The following ZNF398 variants were observed in gnomAD, a reference collection of about 807,000 sequenced individuals.
ZNF398 encodes the protein zinc finger DNA binding protein ZER6.
Under a neutral mutation model 41.9 loss-of-function variants are expected in ZNF398, and 18 were observed. The observed-to-expected ratio is 0.43, with a 90% CI of 0.30 to 0.64. ZNF398 has a LOEUF of 0.64. Among genes scored for constraint, ZNF398 ranks in the 30% least tolerant of loss-of-function variants. ZNF398 has a pLI of 0.14. For missense variants in ZNF398, 669 were observed against 822.8 expected (o/e 0.81, Z 2.29); for synonymous variants, 260 against 308.8 (o/e 0.84, Z 1.66).
intron 2 of ZNF398, among the ~76,000 whole-genome samples, chr7:149,135,626 G>A (rs756355287): frequency 8.1e-5 from 12 of 148,022 alleles, no homozygotes; most frequent in Non-Finnish European, 1.3e-4. Context: ...TATCCATGTC[G>A]CTAAACACTA....
chr7:149,137,690 T>G (rs562360375), intron 2 of ZNF398, among the ~76,000 whole-genome samples: 4 of 152,164 alleles, frequency 2.6e-5, no homozygotes, highest in Non-Finnish European at 5.9e-5. Flanking sequence ...TGTAGATACT[T>G]TTTATCATGT....
At chr7:149,152,984 C>T (rs923858374) in intron 1 of ZNF398, among the ~76,000 whole-genome samples, 1 of 151,738 alleles carries the variant, frequency 6.6e-6, no homozygotes, top group Non-Finnish European at 1.5e-5. Context: ...TCTCAGCCTC[C>T]CGAGTAGCTG....
intron 4 of ZNF398, among the ~76,000 whole-genome samples, chr7:149,167,634 C>CTTTTTT (rs1163487497): frequency 9.0e-4 from 120 of 133,920 alleles, no homozygotes; most frequent in Non-Finnish European, 1.4e-3. Context: ...TTTTTCTTTT[C>CTTTTTT]TTTTTTTTTT....
At position 149,180,441 on chromosome 7, in the gene ZNF398, C is replaced by T. The variant is rs1479177821; in HGVS notation, c.*640C>T. On this transcript the variant is annotated 3_prime_UTR_variant, in exon 6 of 6. Coordinates refer to ENST00000475153, the MANE Select transcript of ZNF398 (RefSeq NM_170686.3). ...TAAATTTTGTTTAATATTGGTTGAA[C>T]AAGAAATCTGACTTTAAAAGATTAT... 2 of 152,136 alleles carry T rather than the reference C, an allele frequency of 1.3e-5. No homozygotes were observed. The highest frequency in any genetic ancestry group is 2.4e-5 in the African/African-American group (1 of 41,430). The allele number at this position is 152,136 out of a possible 1,614,324, so 9.4% of individuals were successfully genotyped here.
rs562156595 is a variant in ZNF398 at position 149,181,917 on chromosome 7, C to A, written c.*2116C>A. 3.3e-5 allele frequency: 5 copies of A among 152,110 alleles called. No individual in the cohort carries two copies. Among genetic ancestry groups the A allele is most frequent in the Non-Finnish European group, 5.9e-5 (4 of 68,024 alleles). The allele number at this position is 152,110 out of a possible 1,614,324, so 9.4% of individuals were successfully genotyped here. A position where few individuals can be genotyped will look rare whatever the true frequency, so the allele number is the denominator to read the frequency against. On this transcript the variant is annotated 3_prime_UTR_variant, in exon 6 of 6. Transcript: ENST00000475153. ...ATGTGAGATTCAGCTCTAGTTTGCA[C>A]CTTGATTTCCCCAGTGAAAAGGGAG...
At chr7:149,141,656 G>A (rs963658334) in intron 2 of ZNF398, among the ~76,000 whole-genome samples, 6 of 151,814 alleles carry the variant, frequency 4.0e-5, no homozygotes, top group South Asian at 2.1e-4. Flanking sequence ...GGGTTTCACC[G>A]TGTTAGCCAG....
Position 149,147,612 on chromosome 7 carries a change from C to A in ZNF398, c.-131C>A, listed in dbSNP as rs1390754429. 4.8e-6 allele frequency: 5 copies of A among 1,039,664 alleles called. No individual in the cohort carries two copies. The East Asian group carries it at 1.9e-4, about 39-fold the overall frequency. 64.4% of individuals were successfully genotyped at this position (1,039,664 alleles called of 1,614,324 possible). Reference sequence around the variant, plus strand: ...GACGGCCGCGTGAGTCCCGTCCGTGCGGGGAAGGCAGGGCCGGGTCGGCGC... The same window carrying A: ...GACGGCCGCGTGAGTCCCGTCCGTGAGGGGAAGGCAGGGCCGGGTCGGCGC... On this transcript the variant is annotated 5_prime_UTR_variant, in exon 1 of 6. Coordinates refer to ENST00000475153, the MANE Select transcript of ZNF398 (RefSeq NM_170686.3). This position sits in a 1 kb window ranked among gnomAD's most constrained non-coding sequence, Gnocchi z 5.6.
intron 2 of ZNF398, among the ~76,000 whole-genome samples, chr7:149,141,302 T>C (rs997847015): frequency 6.7e-6 from 1 of 149,740 alleles, no homozygotes; most frequent in Non-Finnish European, 1.5e-5. Flanking sequence ...CAGACTTTTT[T>C]TTTTTTTTTT....
chr7:149,171,138 G>A (rs1217865429), intron 4 of ZNF398, among the ~76,000 whole-genome samples: 5 of 149,980 alleles, frequency 3.3e-5, no homozygotes, highest in African/African-American at 7.4e-5. Context: ...ATGAGCCACC[G>A]CGCCTGGCCA....
intron 2 of ZNF398, among the ~76,000 whole-genome samples, chr7:149,136,859 C>T (rs1468615790): frequency 4.0e-5 from 6 of 149,426 alleles, no homozygotes; most frequent in South Asian, 2.1e-4. Flanking sequence ...TGAGCCACCG[C>T]GCTGGGCCTT....
At chr7:149,158,703 G>T (rs373925741) in intron 2 of ZNF398, among the ~76,000 whole-genome samples, 3 of 151,550 alleles carry the variant, frequency 2.0e-5, no homozygotes, top group Non-Finnish European at 1.5e-5. Context: ...GCATGGTGGC[G>T]CATTCCTCTA....
chr7:149,139,645 C>T (rs1483542198), intron 2 of ZNF398, among the ~76,000 whole-genome samples: 3 of 151,566 alleles, frequency 2.0e-5, no homozygotes, highest in Admixed American at 6.6e-5. Flanking sequence ...CACTTGAACC[C>T]GGGAGGCGGA....
At position 149,178,884 on chromosome 7, in the gene ZNF398, G is replaced by T; in HGVS notation, c.1012G>T (p.Val338Phe). The T allele has an allele frequency of 6.2e-7, 1 of 1,614,128 alleles. No individual in the cohort carries two copies. Among genetic ancestry groups the T allele is most frequent in the South Asian group, 1.1e-5 (1 of 91,088 alleles). Residue 338 changes from valine (V) to phenylalanine (F), a missense_variant, in exon 6 of 6, where the codon GTT becomes TTT. Val to Phe is a conservative substitution (Grantham distance 50, BLOSUM62 -1). This residue lies in a region of ZNF398 where 290 missense variants were observed against 292.9 expected (regional missense o/e 0.99). Transcript: ENST00000475153. ...QLGSYPLPPP[V>F]GEQVFSCHHC... is the part of the protein sequence containing the mutation. Reference sequence around the variant, plus strand: ...GGGTAGCTATCCCCTCCCACCTCCAGTTGGCGAGCAGGTGTTCTCATGCCA... The same window carrying T: ...GGGTAGCTATCCCCTCCCACCTCCATTTGGCGAGCAGGTGTTCTCATGCCA...
intron 5 of ZNF398, among the ~76,000 whole-genome samples, chr7:149,176,782 C>T (rs1224259164): frequency 6.6e-6 from 1 of 152,050 alleles, no homozygotes; most frequent in Non-Finnish European, 1.5e-5. Context: ...CTCTTACATG[C>T]AAAGACAAAT....
chr7:149,175,890 T>G (rs963857809), intron 4 of ZNF398, among the ~76,000 whole-genome samples: 3 of 152,156 alleles, frequency 2.0e-5, no homozygotes, highest in Admixed American at 2.0e-4. Context: ...TTTGCCACGT[T>G]GGTCAGGCTC....
At chr7:149,168,843 C>A (rs1202452) in intron 4 of ZNF398, among the ~76,000 whole-genome samples, 1,896 of 152,290 alleles carry the variant, frequency 0.012, 15 homozygotes, top group Middle Eastern at 0.034. Context: ...GAGTGAGCCA[C>A]CACGCCCGGC....
upstream of ZNF398, among the ~76,000 whole-genome samples, chr7:149,142,862 G>T (rs1473541753): frequency 6.6e-6 from 1 of 152,112 alleles, no homozygotes; most frequent in African/African-American, 2.4e-5. Flanking sequence ...AAACGGAAAC[G>T]CACGAACGTC....
chr7:149,174,872 A>C (rs931263994), intron 4 of ZNF398, among the ~76,000 whole-genome samples: 1 of 152,302 alleles, frequency 6.6e-6, no homozygotes, highest in East Asian at 1.9e-4. Context: ...ATGGAAAGTT[A>C]ATCCTCTGGA....
rs1335178839 is a variant in ZNF398, at chr7:149,137,021, C to T, written c.-490+8077C>T. Reference sequence around the variant, plus strand: ...AGCTGGGATTACAGGCACCCACCAGCATGCCTGGCTAATTTTTGTATTTTT... The same window carrying T: ...AGCTGGGATTACAGGCACCCACCAGTATGCCTGGCTAATTTTTGTATTTTT... On this transcript the variant is annotated intron_variant, in intron 2 of 6. Transcript: ENST00000426851. Among the ~76,000 whole-genome samples the T allele has an allele frequency of 2.0e-5, 3 of 152,176 alleles. No individual in the cohort carries two copies. The East Asian group carries it at 5.8e-4, about 29-fold the overall frequency.
Sources: allele counts gnomAD v4.1 joint callset (sites outside exome capture counted in the v4.1 genomes callset), GRCh38; gene constraint gnomAD v4.1.1; regional missense constraint gnomAD v4.1.1; non-coding constraint Gnocchi (gnomAD v3.1); transcripts MANE v1.5; gene names NCBI Gene and HGNC (gene_info 2026-07-23, HGNC 2026-07-21).